GRID2: variants seen among roughly 807,000 people sequenced by gnomAD.
GRID2 encodes glutamate receptor ionotropic, delta-2.
Under a neutral mutation model 114.8 loss-of-function variants are expected in GRID2, and 33 were observed. The ratio of observed to expected loss-of-function variants is 0.29; its 90% CI spans 0.22 to 0.38. The LOEUF (loss-of-function observed/expected upper bound fraction) is 0.38. Ranked by LOEUF, GRID2 falls within the 10% of genes least tolerant of loss-of-function variation. The probability of loss-of-function intolerance (pLI) is 1.00; values close to 1 mark genes in which losing one functional copy is unlikely to be tolerated. For synonymous variants in GRID2, 505 were observed against 449.9 expected (o/e 1.12, Z -1.55); for missense variants, 1,184 against 1,257.7 (o/e 0.94, Z 0.89).
chr4:92,591,941 T>C (rs1446150722), intron 2 of GRID2, among the ~76,000 whole-genome samples: 1 of 152,060 alleles, frequency 6.6e-6, no homozygotes, highest in African/African-American at 2.4e-5. Context: ...CATTCAGTTA[T>C]TTACATTTTA....
At chr4:93,007,042 A>G (rs1354097771) in intron 2 of GRID2, among the ~76,000 whole-genome samples, 1 of 152,010 alleles carries the variant, frequency 6.6e-6, no homozygotes, top group Non-Finnish European at 1.5e-5. Context: ...GCATACAAAG[A>G]TGTGAAATGA....
At chr4:93,634,752 G>A (rs956353908) in intron 14 of GRID2, among the ~76,000 whole-genome samples, 3 of 152,164 alleles carry the variant, frequency 2.0e-5, no homozygotes, top group Admixed American at 1.3e-4. Context: ...CTGGGAAGCA[G>A]TAAGAATACT....
At chr4:93,157,153 G>A (rs1038917128) in intron 4 of GRID2, among the ~76,000 whole-genome samples, 1 of 151,632 alleles carries the variant, frequency 6.6e-6, no homozygotes, top group African/African-American at 2.4e-5. Flanking sequence ...TTCTCAGTAA[G>A]AAGAAAATGT....
intron 2 of GRID2, among the ~76,000 whole-genome samples, chr4:92,784,349 C>T (rs1432758881): frequency 6.6e-6 from 1 of 151,846 alleles, no homozygotes; most frequent in Non-Finnish European, 1.5e-5. Flanking sequence ...TTAACAAAAA[C>T]TTCACTGAGA....
intron 2 of GRID2, among the ~76,000 whole-genome samples, chr4:92,650,096 C>T (rs561388180): frequency 6.6e-6 from 1 of 152,016 alleles, no homozygotes; most frequent in Non-Finnish European, 1.5e-5. Flanking sequence ...ATATCTATTA[C>T]ATTTCATAAT....
intron 10 of GRID2, among the ~76,000 whole-genome samples, chr4:93,436,427 C>G (rs1721092382): frequency 6.6e-6 from 1 of 152,098 alleles, no homozygotes; most frequent in African/African-American, 2.4e-5. Flanking sequence ...CAATGCCAGG[C>G]CTACACCACT....
At chr4:93,375,757 A>G (rs1316004873) in intron 8 of GRID2, among the ~76,000 whole-genome samples, 1 of 152,220 alleles carries the variant, frequency 6.6e-6, no homozygotes, top group Non-Finnish European at 1.5e-5. Flanking sequence ...TAATTACTGA[A>G]GAAAAGGTTT....
At chr4:93,053,584 T>C (rs1370763063) in intron 2 of GRID2, among the ~76,000 whole-genome samples, 1 of 151,982 alleles carries the variant, frequency 6.6e-6, no homozygotes, top group East Asian at 1.9e-4. Flanking sequence ...CTGGCATGCA[T>C]TTTAAAGAAA....
chr4:92,636,495 G>T (rs775041810), intron 2 of GRID2, among the ~76,000 whole-genome samples: 9 of 151,936 alleles, frequency 5.9e-5, no homozygotes, highest in Non-Finnish European at 1.2e-4. Flanking sequence ...ACAATCCTTT[G>T]TTCTCCCTCT....
chr4:93,713,936 AT>A (rs538414779), intron 14 of GRID2, among the ~76,000 whole-genome samples: 22 of 150,902 alleles, frequency 1.5e-4, no homozygotes, highest in Admixed American at 4.0e-4. Context: ...CCATCTTTTC[AT>A]TTTTTTTTAT....
At chr4:92,847,911 A>C (rs1029313956) in intron 2 of GRID2, among the ~76,000 whole-genome samples, 1 of 152,014 alleles carries the variant, frequency 6.6e-6, no homozygotes. Flanking sequence ...CTTCCTGTGC[A>C]TTTGTGCATT....
At position 93,553,917 on chromosome 4, in the gene GRID2, TATC is replaced by T. The variant is rs1010635636; in HGVS notation, c.2193+38507_2193+38509del. Among the ~76,000 whole-genome samples, 5 of 152,206 alleles carry T rather than the reference TATC, an allele frequency of 3.3e-5. 1 individual carries two copies. Among genetic ancestry groups the T allele is most frequent in the Non-Finnish European group, 7.3e-5 (5 of 68,034 alleles). On this transcript the variant is annotated intron_variant, in intron 13 of 15. Transcript: ENST00000282020. ...TTACTCAACTGTAGATTATAGTTAT[TATC>T]TGTTTGAAAAATGAATCAACATTTA...
At position 92,796,698 on chromosome 4, in the gene GRID2, T is replaced by C. The variant is rs59049662; in HGVS notation, c.244+206412T>C. ...TTTCCTAATGGCATCTGGGAACTTG[T>C]TTGCTGCCTCTTGGTTGGCAGATGC... On this transcript the variant is annotated intron_variant, in intron 2 of 15. Coordinates refer to ENST00000282020, the MANE Select transcript of GRID2 (RefSeq NM_001510.4). Among the ~76,000 whole-genome samples, 209 of 152,072 alleles carry C rather than the reference T, an allele frequency of 1.4e-3. 6 individuals are homozygous for C. In the East Asian group the frequency reaches 0.038, roughly 28 times the overall value.
At chr4:93,261,399 C>G (rs538737062) in intron 8 of GRID2, among the ~76,000 whole-genome samples, 1 of 151,896 alleles carries the variant, frequency 6.6e-6, no homozygotes, top group East Asian at 1.9e-4. Flanking sequence ...CAATCTAACT[C>G]AGTATTAGTG....
intron 11 of GRID2, among the ~76,000 whole-genome samples, chr4:93,468,667 G>A (rs1327725494): frequency 6.6e-6 from 1 of 152,076 alleles, no homozygotes; most frequent in African/African-American, 2.4e-5. Flanking sequence ...AGGTCCATGA[G>A]TTCAGATGAG....
intron 12 of GRID2, among the ~76,000 whole-genome samples, chr4:93,511,632 A>C (rs1729192224): frequency 6.6e-6 from 1 of 152,190 alleles, no homozygotes; most frequent in African/African-American, 2.4e-5. Context: ...CTCAGGTCTA[A>C]TGGGTTCTCA....
At chr4:92,490,457 C>G (rs1162397960) in intron 1 of GRID2, among the ~76,000 whole-genome samples, 1 of 152,126 alleles carries the variant, frequency 6.6e-6, no homozygotes, top group Non-Finnish European at 1.5e-5. Flanking sequence ...CTTTATTAAG[C>G]TGAACAGCAA....
chr4:93,033,077 A>C (rs777727870), intron 2 of GRID2, among the ~76,000 whole-genome samples: 2 of 152,222 alleles, frequency 1.3e-5, no homozygotes, highest in Non-Finnish European at 2.9e-5. Flanking sequence ...ATTTTCACCC[A>C]AGTATATATA....
chr4:93,459,053 G>A (rs936644424), intron 11 of GRID2, among the ~76,000 whole-genome samples: 20 of 151,736 alleles, frequency 1.3e-4, no homozygotes, highest in South Asian at 4.2e-4. Context: ...GGTGGTGGGC[G>A]CCTGTAATCC....
Sources: allele counts gnomAD v4.1 joint callset (sites outside exome capture counted in the v4.1 genomes callset), GRCh38; gene constraint gnomAD v4.1.1; transcripts MANE v1.5; gene names NCBI Gene and HGNC (gene_info 2026-07-23, HGNC 2026-07-21).